The following NOTCH2NLC variants were observed in gnomAD, a reference collection of about 807,000 sequenced individuals.
The protein encoded by NOTCH2NLC is notch homolog 2 N-terminal-like protein C.
Under a neutral mutation model 17.7 loss-of-function variants are expected in NOTCH2NLC, and 4 were observed. That is an observed-to-expected ratio of 0.23 (90% CI 0.11 to 0.52). The LOEUF (loss-of-function observed/expected upper bound fraction) is 0.52, where lower values mean the gene tolerates loss of function less well. Ranked by LOEUF, NOTCH2NLC falls within the 20% of genes least tolerant of loss-of-function variation. The pLI is 0.96. For missense variants in NOTCH2NLC, 57 were observed against 207.2 expected, an observed-to-expected ratio of 0.28 and a Z score of 4.45; for synonymous variants, 18 against 86.0, an observed-to-expected ratio of 0.21 and a Z score of 4.38.
intron 2 of NOTCH2NLC, among the ~76,000 whole-genome samples, chr1:149,435,794 G>A (rs1215518765): frequency 2.9e-5 from 4 of 137,134 alleles, no homozygotes; most frequent in Non-Finnish European, 6.4e-5. Context: ...TCTAGCTGCT[G>A]TGACAGCTCC....
rs2084708121 is a variant in NOTCH2NLC at position 149,470,144 on chromosome 1, T to C, written c.*5991T>C. Among the ~76,000 whole-genome samples, 1 of 151,404 alleles carries C rather than the reference T, an allele frequency of 6.6e-6. No homozygotes were observed. The highest frequency in any genetic ancestry group is 1.5e-5 in the Non-Finnish European group (1 of 67,640). On this transcript the variant is annotated 3_prime_UTR_variant, in exon 5 of 5. Coordinates refer to ENST00000650865, the MANE Select transcript of NOTCH2NLC (RefSeq NM_001364013.2). ...AAGTTTCTGTTTCAGTACTTATTCCTACTTACTAGCCGTTTAATCTTGGTC... is the reference window on the plus strand; with the variant it reads ...AAGTTTCTGTTTCAGTACTTATTCCCACTTACTAGCCGTTTAATCTTGGTC...
rs1213013864 is a variant in NOTCH2NLC, at chr1:149,400,112, TTATA to T, written c.135+9207_135+9210del. ...AGATTTAGAAAAGCTGTTGATTTAT[TTATA>T]TATATATATATATATAATATATATT... On this transcript the variant is annotated intron_variant, in intron 1 of 4. Coordinates refer to ENST00000650865, the MANE Select transcript of NOTCH2NLC (RefSeq NM_001364013.2). 6.5e-5 allele frequency among the ~76,000 whole-genome samples: 9 copies of T among 138,766 alleles called. No homozygotes were observed. The East Asian group carries it at 1.0e-3, about 16-fold the overall frequency. 91.0% of individuals were successfully genotyped at this position (138,766 alleles called of 152,430 possible).
chr1:149,426,708 CTT>C (rs2084414980), intron 1 of NOTCH2NLC, among the ~76,000 whole-genome samples: 1 of 138,560 alleles, frequency 7.2e-6, no homozygotes, highest in Non-Finnish European at 1.6e-5. Context: ...AAATGTGACT[CTT>C]TGTGAGTGAC....
chr1:149,433,374 C>T (rs1471548690), intron 2 of NOTCH2NLC, among the ~76,000 whole-genome samples: 1 of 147,716 alleles, frequency 6.8e-6, no homozygotes, highest in African/African-American at 2.5e-5. Context: ...TGCAGCAAAC[C>T]ACCATGGCAC....
At chr1:149,455,031 G>A (rs1351782569) in intron 2 of NOTCH2NLC, among the ~76,000 whole-genome samples, 1 of 120,956 alleles carries the variant, frequency 8.3e-6, no homozygotes, top group African/African-American at 3.2e-5. Flanking sequence ...AAAAGCTGGG[G>A]TGCATTTTGC....
rs1372225553 is a variant in NOTCH2NLC, at chr1:149,460,903, CTTTCTTTCTTTCTCTCTCTT to C, written c.470-2586_470-2567del. On this transcript the variant is annotated intron_variant, in intron 3 of 4. Coordinates refer to ENST00000650865, the MANE Select transcript of NOTCH2NLC (RefSeq NM_001364013.2). ...TCTTTCTTTCTTTCTTTCTTTCTTT[CTTTCTTTCTTTCTCTCTCTT>C]TCTCTCTTTCTCTCTCTTTCCCTCT... is the stretch of plus-strand genomic sequence containing the variant. Among the ~76,000 whole-genome samples the C allele has an allele frequency of 5.6e-3, 608 of 108,288 alleles. 7 individuals are homozygous for C. Among genetic ancestry groups the C allele is most frequent in the Non-Finnish European group, 9.0e-3 (446 of 49,710 alleles). 71.0% of individuals were successfully genotyped at this position (108,288 alleles called of 152,430 possible).
rs1328278068 is a variant in NOTCH2NLC, at chr1:149,423,760, T to C, written c.136-7182T>C. On this transcript the variant is annotated intron_variant, in intron 1 of 4. Coordinates refer to ENST00000650865, the MANE Select transcript of NOTCH2NLC (RefSeq NM_001364013.2). ...GTCAAGACATTAAAATACCTTCCGA[T>C]TGAGCAGTGGGTCTAAGCACAGATA... 8.5e-3 allele frequency among the ~76,000 whole-genome samples: 1,257 copies of C among 147,926 alleles called. 25 individuals carry two copies. The highest frequency in any genetic ancestry group is 0.03 in the African/African-American group (1,184 of 39,784).
rs1458862832 is a variant in NOTCH2NLC, at chr1:149,390,904, T to C, written c.117T>C (p.Ala39=). Residue 39 remains alanine, a synonymous_variant, in exon 1 of 5, where the codon GCT becomes GCC. Transcript: ENST00000650865. ...CCGRCWRSGC[A]ARPPRMCRDG... is the part of the protein sequence containing the mutation. Reference sequence around the variant, plus strand: ...GGCGCTGCTGGCGCTCTGGCTGTGCTGCGCGACCCCCGCGCATGGTGAGTA... The same window carrying C: ...GGCGCTGCTGGCGCTCTGGCTGTGCCGCGCGACCCCCGCGCATGGTGAGTA... 6 of 1,445,588 alleles carry C rather than the reference T, an allele frequency of 4.2e-6. 1 individual carries two copies. Among genetic ancestry groups the C allele is most frequent in the Non-Finnish European group, 5.4e-6 (6 of 1,106,258 alleles). 89.5% of individuals were successfully genotyped at this position (1,445,588 alleles called of 1,614,324 possible).
At chr1:149,419,081 TTCTC>T (rs1325263292) in intron 1 of NOTCH2NLC, among the ~76,000 whole-genome samples, 6 of 148,674 alleles carry the variant, frequency 4.0e-5, no homozygotes, top group Non-Finnish European at 6.0e-5. Context: ...TTTCTTTCTT[TTCTC>T]TCTCTCTCTT....
intron 2 of NOTCH2NLC, among the ~76,000 whole-genome samples, chr1:149,448,823 A>G (rs1420362705): frequency 7.1e-6 from 1 of 141,262 alleles, no homozygotes; most frequent in East Asian, 2.2e-4. Flanking sequence ...GTGTTGAAGC[A>G]CACGCACTCT....
chr1:149,433,568 G>T (rs1428585842), intron 2 of NOTCH2NLC, among the ~76,000 whole-genome samples: 1 of 146,880 alleles, frequency 6.8e-6, no homozygotes, highest in Non-Finnish European at 1.5e-5. Flanking sequence ...TTTCAAATAT[G>T]TTCTAAGTGT....
intron 1 of NOTCH2NLC, among the ~76,000 whole-genome samples, chr1:149,412,116 C>CA (rs71649388): frequency 0.046 from 2,269 of 48,914 alleles, 75 homozygotes; most frequent in East Asian, 0.26. Context: ...ATCCTGTCTC[C>CA]AAAAAAAAAA....
Position 149,469,060 on chromosome 1 carries a change from G to A in NOTCH2NLC, c.*4907G>A. Among the ~76,000 whole-genome samples the A allele has an allele frequency of 7.6e-6, 1 of 132,368 alleles. No individual in the cohort carries two copies. The highest frequency in any genetic ancestry group is 2.6e-4 in the South Asian group (1 of 3,850). 86.8% of individuals were successfully genotyped at this position (132,368 alleles called of 152,430 possible). A position where few individuals can be genotyped will look rare whatever the true frequency, so the allele number is the denominator to read the frequency against. On this transcript the variant is annotated 3_prime_UTR_variant, in exon 5 of 5. Coordinates refer to ENST00000650865, the MANE Select transcript of NOTCH2NLC (RefSeq NM_001364013.2). ...GCTCACTGCAACCTCCACCTCCCGG[G>A]TTCAAGCTATTCTCATGTCTCAGCC... is the stretch of plus-strand genomic sequence containing the variant.
At chr1:149,430,470 GT>G (rs2084442075) in intron 1 of NOTCH2NLC, among the ~76,000 whole-genome samples, 1 of 146,608 alleles carries the variant, frequency 6.8e-6, no homozygotes, top group Non-Finnish European at 1.5e-5. Context: ...TGTTATTGCT[GT>G]TTCTGATTAC....
Position 149,394,578 on chromosome 1 carries a change from C to T in NOTCH2NLC, c.135+3656C>T, listed in dbSNP as rs1209689919. ...TATCTCGTTTTCCTTAAATGTCATT[C>T]ATACATGTTGTTTTTTGACCCTTTA... On this transcript the variant is annotated intron_variant, in intron 1 of 4. Coordinates refer to ENST00000650865, the MANE Select transcript of NOTCH2NLC (RefSeq NM_001364013.2). 2.7e-5 allele frequency among the ~76,000 whole-genome samples: 4 copies of T among 150,940 alleles called. 1 individual carries two copies. Among genetic ancestry groups the T allele is most frequent in the Non-Finnish European group, 5.9e-5 (4 of 67,584 alleles).
At chr1:149,424,743 C>T (rs1169137334) in intron 1 of NOTCH2NLC, among the ~76,000 whole-genome samples, 6 of 151,250 alleles carry the variant, frequency 4.0e-5, no homozygotes, top group Admixed American at 3.3e-4. Flanking sequence ...GCATATTGTA[C>T]AAGAAGTTTA....
chr1:149,463,135 G>A lies in NOTCH2NLC; in HGVS notation c.470-356G>A, dbSNP rs1191962423. Reference sequence around the variant, plus strand: ...AGGTGTGAGCCACTGCTCCTGGCCCGGAAGTTGATATTCAAACAGGAGCAG... The same window carrying A: ...AGGTGTGAGCCACTGCTCCTGGCCCAGAAGTTGATATTCAAACAGGAGCAG... On this transcript the variant is annotated intron_variant, in intron 3 of 4. Transcript: ENST00000650865. 8.0e-5 allele frequency among the ~76,000 whole-genome samples: 12 copies of A among 150,778 alleles called. No individual in the cohort carries two copies. In the South Asian group the frequency reaches 8.4e-4, roughly 11 times the overall value.
At chr1:149,432,334 G>C (rs1441511759) in intron 2 of NOTCH2NLC, among the ~76,000 whole-genome samples, 3 of 150,690 alleles carry the variant, frequency 2.0e-5, no homozygotes, top group Admixed American at 2.0e-4. Context: ...CTTCACTAAA[G>C]TGAAAATATT....
chr1:149,463,712 T>TG lies in NOTCH2NLC; in HGVS notation c.691_692insG (p.Phe231CysfsTer7). ...CTACCAGTGCCAGTGCCTTCAGGGC[T>TG]TCACAGGCCAGTACTGTGACAGCCT... On this transcript the variant is annotated frameshift_variant, in exon 4 of 5. Transcript: ENST00000650865. LOFTEE classifies it high-confidence loss of function. The TG allele has an allele frequency of 2.3e-6, 1 of 436,556 alleles. No individual in the cohort carries two copies. Among genetic ancestry groups the TG allele is most frequent in the South Asian group, 2.2e-5 (1 of 46,134 alleles). The allele number at this position is 436,556 out of a possible 1,614,324, so 27.0% of individuals were successfully genotyped here. A position where few individuals can be genotyped will look rare whatever the true frequency, so the allele number is the denominator to read the frequency against.
Sources: gnomAD v4.1 joint callset for allele counts (sites outside exome capture counted in the v4.1 genomes callset) on GRCh38, gnomAD v4.1.1 for gene constraint, MANE v1.5 for transcripts, NCBI Gene and HGNC (gene_info 2026-07-23, HGNC 2026-07-21) for gene names.